Variants in EYA2 observed in about 807,000 individuals in gnomAD.
The protein encoded by EYA2 is protein phosphatase EYA2.
In EYA2, 31 loss-of-function variants were observed where a neutral mutation model predicts 69.2. That is an observed-to-expected ratio of 0.45 (90% CI 0.34 to 0.60). The LOEUF (loss-of-function observed/expected upper bound fraction) is 0.60, where lower values mean the gene tolerates loss of function less well. Among genes scored for constraint, EYA2 ranks in the 20% least tolerant of loss-of-function variants. EYA2 has a pLI of 0.02. For missense variants in EYA2, 622 were observed against 701.2 expected (o/e 0.89, Z 1.28); for synonymous variants, 257 against 279.4 (o/e 0.92, Z 0.80).
intron 9 of EYA2, among the ~76,000 whole-genome samples, chr20:47,112,258 C>G (rs1178787686): frequency 1.3e-5 from 2 of 152,034 alleles, no homozygotes; most frequent in East Asian, 3.8e-4. Context: ...TCAAATAATG[C>G]CTCAAAGTGA....
chr20:47,154,213 A>G (rs1284330003), intron 10 of EYA2, among the ~76,000 whole-genome samples: 2 of 151,928 alleles, frequency 1.3e-5, no homozygotes, highest in Admixed American at 1.3e-4. Context: ...TCCTCAATGC[A>G]TGTACATGGA....
intron 1 of EYA2, among the ~76,000 whole-genome samples, chr20:46,967,396 A>G (rs1420167753): frequency 6.6e-6 from 1 of 152,262 alleles, no homozygotes; most frequent in Non-Finnish European, 1.5e-5. Flanking sequence ...ATACAATTAA[A>G]TACTCAGCTG....
At chr20:46,958,393 C>G (rs936083740) in intron 1 of EYA2, among the ~76,000 whole-genome samples, 4 of 151,822 alleles carry the variant, frequency 2.6e-5, no homozygotes, top group African/African-American at 9.7e-5. Flanking sequence ...CAAAATGAGC[C>G]TGGTTGCAAT....
At chr20:47,023,642 T>TTG (rs66816959) in intron 5 of EYA2, among the ~76,000 whole-genome samples, 4 of 92,128 alleles carry the variant, frequency 4.3e-5, no homozygotes, top group African/African-American at 1.2e-4. Context: ...GTTTTTTTTT[T>TTG]TTTTTTTTTT....
At chr20:47,077,768 A>C (rs2031569061) in intron 7 of EYA2, among the ~76,000 whole-genome samples, 1 of 152,244 alleles carries the variant, frequency 6.6e-6, no homozygotes, top group Non-Finnish European at 1.5e-5. Flanking sequence ...ATATTTAATG[A>C]TGCATAGTAC....
At chr20:46,912,249 A>T (rs893999530) in intron 1 of EYA2, among the ~76,000 whole-genome samples, 3 of 152,170 alleles carry the variant, frequency 2.0e-5, no homozygotes, top group African/African-American at 7.2e-5. Flanking sequence ...GCAACTGCTA[A>T]CCGTGGTCTA....
At chr20:47,083,294 C>A (rs2031783507) in intron 7 of EYA2, among the ~76,000 whole-genome samples, 1 of 152,098 alleles carries the variant, frequency 6.6e-6, no homozygotes, top group Non-Finnish European at 1.5e-5. Context: ...GATGCTGGAA[C>A]AGCCGAGCAC....
intron 5 of EYA2, among the ~76,000 whole-genome samples, chr20:47,044,723 A>G (rs1249151963): frequency 6.6e-6 from 1 of 152,172 alleles, no homozygotes; most frequent in Non-Finnish European, 1.5e-5. Context: ...TCTCACAAAA[A>G]TCCTATCTAT....
intron 1 of EYA2, among the ~76,000 whole-genome samples, chr20:46,897,189 G>A (rs910432717): frequency 4.6e-5 from 7 of 152,274 alleles, no homozygotes; most frequent in African/African-American, 7.2e-5. Context: ...TTTAAATTGC[G>A]TGTAAGAGAT....
chr20:47,128,392 C>T (rs1180000149), intron 9 of EYA2, among the ~76,000 whole-genome samples: 1 of 152,170 alleles, frequency 6.6e-6, no homozygotes, highest in Non-Finnish European at 1.5e-5. Flanking sequence ...CAGCCTGAGA[C>T]CTGAGAAAAG....
intron 1 of EYA2, among the ~76,000 whole-genome samples, chr20:46,899,836 C>T (rs539132920): frequency 3.3e-5 from 5 of 152,192 alleles, no homozygotes; most frequent in African/African-American, 1.2e-4. Flanking sequence ...GCGCTGTCAT[C>T]GCCTTTGGAT....
At chr20:46,914,834 A>G (rs1202841717) in intron 1 of EYA2, among the ~76,000 whole-genome samples, 1 of 152,218 alleles carries the variant, frequency 6.6e-6, no homozygotes, top group African/African-American at 2.4e-5. Context: ...TGCCAGCCCC[A>G]TCGTCACACT....
intron 9 of EYA2, among the ~76,000 whole-genome samples, chr20:47,125,047 GTT>G (rs11478823): frequency 0.045 from 3,926 of 88,118 alleles, 145 homozygotes; most frequent in African/African-American, 0.14. Flanking sequence ...TTTTGGTTAA[GTT>G]TTTTTTTTTT....
At chr20:47,166,163 G>A (rs75003968) in intron 10 of EYA2, among the ~76,000 whole-genome samples, 209 of 151,978 alleles carry the variant, frequency 1.4e-3, no homozygotes, top group African/African-American at 4.7e-3. Flanking sequence ...ACTTCGGGAG[G>A]CCAAGACTAG....
intron 1 of EYA2, among the ~76,000 whole-genome samples, chr20:46,905,754 C>A (rs1346221813): frequency 2.0e-5 from 3 of 152,146 alleles, no homozygotes; most frequent in African/African-American, 7.2e-5. Flanking sequence ...ATCACAAGAG[C>A]CCTCTGAGCC....
At chr20:47,083,849 G>A (rs2031806476) in intron 7 of EYA2, among the ~76,000 whole-genome samples, 1 of 152,144 alleles carries the variant, frequency 6.6e-6, no homozygotes, top group Non-Finnish European at 1.5e-5. Flanking sequence ...CATGGTCCAG[G>A]AGAAAAATAA....
At chr20:46,918,797 T>C (rs1180256985) in intron 1 of EYA2, among the ~76,000 whole-genome samples, 1 of 152,266 alleles carries the variant, frequency 6.6e-6, no homozygotes, top group Non-Finnish European at 1.5e-5. Flanking sequence ...TCAATTTACT[T>C]TGCCCAAATC....
chr20:46,950,989 C>A (rs1285579745), intron 1 of EYA2, among the ~76,000 whole-genome samples: 2 of 152,172 alleles, frequency 1.3e-5, no homozygotes, highest in Non-Finnish European at 2.9e-5. Context: ...CTGAGTAATC[C>A]CTCCTTAGGG....
At chr20:47,021,484 G>T (rs574598308) in intron 5 of EYA2, among the ~76,000 whole-genome samples, 1 of 151,786 alleles carries the variant, frequency 6.6e-6, no homozygotes, top group South Asian at 2.1e-4. Context: ...AAAATTAGCC[G>T]GGTGTGGTGG....
Sources: gnomAD v4.1 joint callset for allele counts (sites outside exome capture counted in the v4.1 genomes callset) on GRCh38, gnomAD v4.1.1 for gene constraint, MANE v1.5 for transcripts, NCBI Gene and HGNC (gene_info 2026-07-23, HGNC 2026-07-21) for gene names.